The following ZNF592 variants were observed in gnomAD, a reference collection of about 807,000 sequenced individuals.
ZNF592 encodes zinc finger protein 592.
A neutral mutation model predicts 80.3 loss-of-function variants in ZNF592; 11 were observed. That is an observed-to-expected ratio of 0.14 (90% CI 0.09 to 0.23). The LOEUF (loss-of-function observed/expected upper bound fraction) is 0.23, where lower values mean the gene tolerates loss of function less well. ZNF592 is among the 10% of genes least tolerant of loss of function. ZNF592 has a pLI of 1.00. For synonymous variants in ZNF592, 646 were observed against 640.3 expected (o/e 1.01, Z -0.13); for missense variants, 1,420 against 1,633.9 (o/e 0.87, Z 2.26).
At chr15:84,757,337 TC>T (rs1192964065) in intron 1 of ZNF592, among the ~76,000 whole-genome samples, 5 of 104,802 alleles carry the variant, frequency 4.8e-5, no homozygotes, top group East Asian at 3.4e-4. Context: ...TTTCTTTCTT[TC>T]CTTTTTTTTT....
At chr15:84,800,965 A>G (rs1217202737) in intron 10 of ZNF592, among the ~76,000 whole-genome samples, 1 of 152,246 alleles carries the variant, frequency 6.6e-6, no homozygotes, top group African/African-American at 2.4e-5. Flanking sequence ...CCATGGAAAC[A>G]TGCTCCAATG....
At chr15:84,801,728 C>A in intron 10 of ZNF592, 135 bp from the exon 11 acceptor site, 1 of 1,261,370 alleles carries the variant, frequency 7.9e-7, no homozygotes, top group Non-Finnish European at 1.1e-6. Flanking sequence ...ACAAACCAAA[C>A]GTAAACCAGC....
chr15:84,775,756 A>T (rs1962231973), intron 2 of ZNF592, among the ~76,000 whole-genome samples: 1 of 152,146 alleles, frequency 6.6e-6, no homozygotes, highest in African/African-American at 2.4e-5. Context: ...ATACCCTCAA[A>T]TAATTCCAAT....
At chr15:84,758,274 C>T (rs1009660863) in intron 1 of ZNF592, among the ~76,000 whole-genome samples, 14 of 152,084 alleles carry the variant, frequency 9.2e-5, no homozygotes, top group East Asian at 3.9e-4. Context: ...CGCCCGGCCC[C>T]GTTAATCCTT....
intron 1 of ZNF592, among the ~76,000 whole-genome samples, chr15:84,751,131 C>T (rs894636582): frequency 6.6e-6 from 1 of 152,156 alleles, no homozygotes; most frequent in African/African-American, 2.4e-5. Context: ...CTGCTTCATC[C>T]AGCTTTTAGG....
At chr15:84,787,281 G>A (rs1430023213) in intron 4 of ZNF592, among the ~76,000 whole-genome samples, 2 of 152,118 alleles carry the variant, frequency 1.3e-5, no homozygotes, top group East Asian at 1.9e-4. Context: ...AAGAGCACCC[G>A]CCGACAGGAA....
chr15:84,798,623 G>A lies in ZNF592; in HGVS notation c.2772G>A (p.Leu924=). Residue 924 remains leucine, a synonymous_variant, in exon 8 of 11, where the codon CTG becomes CTA. Transcript: ENST00000560079. This position sits in a 1 kb window ranked among gnomAD's most constrained non-coding sequence, Gnocchi z 4.5. ...THGVPRNVDE[L]SSLQSSADTS... is the part of the protein sequence containing the mutation. ...GTGTTCCCCGAAATGTGGACGAGCT[G>A]TCAAGCCTCCAGTCTTCAGCGGACA... 2.5e-6 allele frequency: 4 copies of A among 1,614,108 alleles called. No individual in the cohort carries two copies. Among genetic ancestry groups the A allele is most frequent in the Non-Finnish European group, 3.4e-6 (4 of 1,180,034 alleles).
intron 1 of ZNF592, among the ~76,000 whole-genome samples, chr15:84,754,295 G>C (rs1045264417): frequency 7.2e-5 from 11 of 152,118 alleles, no homozygotes; most frequent in Admixed American, 2.6e-4. Context: ...ACGGTGGCTC[G>C]TGCTTGTAAT....
intron 10 of ZNF592, among the ~76,000 whole-genome samples, chr15:84,801,148 C>G (rs1963084751): frequency 6.6e-6 from 1 of 152,194 alleles, no homozygotes; most frequent in Non-Finnish European, 1.5e-5. Flanking sequence ...TTGGGAGACT[C>G]TGTCTCTACA....
intron 4 of ZNF592, among the ~76,000 whole-genome samples, chr15:84,788,577 G>A (rs1172138833): frequency 6.6e-6 from 1 of 152,078 alleles, no homozygotes; most frequent in Non-Finnish European, 1.5e-5. Context: ...TAAAATACAC[G>A]TAATGTAAAA....
rs1962518570 is a variant in ZNF592 at position 84,784,280 on chromosome 15, A to G, written c.1605A>G (p.Gln535=). The G allele has an allele frequency of 6.2e-7, 1 of 1,614,236 alleles. No homozygotes were observed. The highest frequency in any genetic ancestry group is 8.5e-7 in the Non-Finnish European group (1 of 1,180,044). ...VQRRSQPQLT[Q]MSVPLVHQVK... The stretch of plus-strand genomic sequence containing the variant: ...GACGGAGCCAGCCACAGCTTACACA[A>G]ATGTCGGTGCCCCTGGTCCACCAGG... The change falls in exon 4 of 11, where the codon CAA becomes CAG. Residue 535 remains glutamine, a synonymous_variant. Coordinates refer to ENST00000560079, the MANE Select transcript of ZNF592 (RefSeq NM_014630.3). This position sits in a 1 kb window ranked among gnomAD's most constrained non-coding sequence, Gnocchi z 5.8.
intron 1 of ZNF592, among the ~76,000 whole-genome samples, chr15:84,755,124 AT>A (rs34356102): frequency 0.53 from 60,765 of 115,290 alleles, 16,179 homozygotes; most frequent in East Asian, 0.77. Context: ...CACCCAGCTA[AT>A]TTTTTTTTTT....
intron 1 of ZNF592, chr15:84,753,216 G>A (rs1191770983): frequency 1.3e-5 from 2 of 152,224 alleles, no homozygotes; most frequent in Admixed American, 1.3e-4. Context: ...ATAGAGTTAG[G>A]TTAATGGAGA....
chr15:84,759,966 CACCCTG>C (rs1567059549), intron 1 of ZNF592, among the ~76,000 whole-genome samples: 1 of 71,832 alleles, frequency 1.4e-5, no homozygotes, highest in Non-Finnish European at 2.6e-5. Flanking sequence ...CCCCCCCCCC[CACCCTG>C]CCATTTAAAA....
intron 4 of ZNF592, among the ~76,000 whole-genome samples, chr15:84,786,089 A>G (rs538861470): frequency 6.6e-6 from 1 of 152,264 alleles, no homozygotes; most frequent in South Asian, 2.1e-4. Flanking sequence ...GGTTCTGTGC[A>G]TGTGTTGGTA....
chr15:84,802,736 C>T lies in ZNF592; in HGVS notation c.*343C>T, dbSNP rs1338481333. On this transcript the variant is annotated 3_prime_UTR_variant, in exon 11 of 11. Coordinates refer to ENST00000560079, the MANE Select transcript of ZNF592 (RefSeq NM_014630.3). Reference sequence around the variant, plus strand: ...TGAACCCCACAGCGGCTGTGCTCTTCTGGGAGGTTCCCGCTTGCTGCCTTC... The same window carrying T: ...TGAACCCCACAGCGGCTGTGCTCTTTTGGGAGGTTCCCGCTTGCTGCCTTC... 4 of 341,284 alleles carry T rather than the reference C, an allele frequency of 1.2e-5. No individual in the cohort carries two copies. Among genetic ancestry groups the T allele is most frequent in the Non-Finnish European group, 1.7e-5 (3 of 179,164 alleles). 21.1% of individuals were successfully genotyped at this position (341,284 alleles called of 1,614,324 possible).
At chr15:84,793,778 ATAT>A (rs1962817039) in intron 5 of ZNF592, among the ~76,000 whole-genome samples, 1 of 152,152 alleles carries the variant, frequency 6.6e-6, no homozygotes, top group African/African-American at 2.4e-5. Context: ...GAATTATGTA[ATAT>A]TATTAGCATA....
intron 2 of ZNF592, among the ~76,000 whole-genome samples, chr15:84,777,475 CAA>C (rs549871970): frequency 5.4e-5 from 3 of 55,082 alleles, no homozygotes; most frequent in Non-Finnish European, 7.3e-5. Context: ...GACTCCGTCT[CAA>C]AAAAAAAAAA....
chr15:84,782,168 A>G (rs1189829471), intron 3 of ZNF592, among the ~76,000 whole-genome samples: 1 of 152,232 alleles, frequency 6.6e-6, no homozygotes, highest in East Asian at 1.9e-4. Flanking sequence ...ATTTGATTGA[A>G]TTTATGCAGA....
Sources: allele counts gnomAD v4.1 joint callset (sites outside exome capture counted in the v4.1 genomes callset), GRCh38; gene constraint gnomAD v4.1.1; non-coding constraint Gnocchi (gnomAD v3.1); transcripts MANE v1.5; gene names NCBI Gene and HGNC (gene_info 2026-07-23, HGNC 2026-07-21).